The following NBPF11 variants were observed in gnomAD, a reference collection of about 807,000 sequenced individuals.
NBPF11 encodes NBPF member 11.
In NBPF11, 72 loss-of-function variants were observed where a neutral mutation model predicts 93.9. That is an observed-to-expected ratio of 0.77 (90% CI 0.63 to 0.93). NBPF11 has a LOEUF of 0.93. Among genes scored for constraint, NBPF11 ranks in the 40% least tolerant of loss-of-function variants. The pLI, the probability that NBPF11 is intolerant of heterozygous loss-of-function variation, is 0.00. For synonymous variants in NBPF11, 224 were observed against 304.9 expected, an observed-to-expected ratio of 0.73 and a Z score of 2.76; for missense variants, 705 against 802.2, an observed-to-expected ratio of 0.88 and a Z score of 1.46.
chr1:148,116,639 C>T (rs1311282999), intron 12 of NBPF11, 104 bp from the exon 13 acceptor site: 8 of 593,712 alleles, frequency 1.3e-5, no homozygotes, highest in Non-Finnish European at 2.1e-5. Flanking sequence ...CATGGGTCAC[C>T]GTTCAACTGA....
At position 148,103,864 on chromosome 1, in the gene NBPF11, G is replaced by A; in HGVS notation, c.*32C>T. 1.2e-6 allele frequency: 2 copies of A among 1,611,350 alleles called. No individual in the cohort carries two copies. The highest frequency in any genetic ancestry group is 1.7e-6 in the Non-Finnish European group (2 of 1,179,386). On this transcript the variant is annotated 3_prime_UTR_variant, in exon 24 of 24. Coordinates refer to ENST00000682118, the MANE Select transcript of NBPF11 (RefSeq NM_001385469.3). Reference sequence around the variant, plus strand: ...GAGTCGAATAATATCTATCCAGTGAGTCCTGTAAGACTTCAGGCACTTCCA... The same window carrying A: ...GAGTCGAATAATATCTATCCAGTGAATCCTGTAAGACTTCAGGCACTTCCA...
chr1:148,118,062 A>G (rs1309296373), intron 11 of NBPF11, among the ~76,000 whole-genome samples: 1 of 151,586 alleles, frequency 6.6e-6, no homozygotes, highest in Non-Finnish European at 1.5e-5. Flanking sequence ...CCGTTTCAAA[A>G]AGACATCCTT....
chr1:148,149,602 C>T (rs1571503510), intron 1 of NBPF11: 31 of 1,581,526 alleles, frequency 2.0e-5, no homozygotes, highest in East Asian at 2.2e-5. Flanking sequence ...AGCAATAAGG[C>T]GGCCCCCGGA....
chr1:148,139,021 G>T (rs1671780698), intron 2 of NBPF11, among the ~76,000 whole-genome samples: 1 of 151,462 alleles, frequency 6.6e-6, no homozygotes, highest in East Asian at 1.9e-4. Context: ...AACTCAGGAG[G>T]TGGAGGTTGC....
At chr1:148,141,706 G>C (rs1157025562) in intron 2 of NBPF11, among the ~76,000 whole-genome samples, 12 of 151,908 alleles carry the variant, frequency 7.9e-5, no homozygotes, top group African/African-American at 2.4e-4. Context: ...TTCTGGTAAG[G>C]ACAGGTGCAA....
chr1:148,145,201 CTTTTT>C (rs1190949525), intron 1 of NBPF11, among the ~76,000 whole-genome samples: 9 of 75,600 alleles, frequency 1.2e-4, no homozygotes, highest in South Asian at 5.1e-4. Flanking sequence ...TTTTTTCTTT[CTTTTT>C]TTTTTTTTTT....
chr1:148,123,655 G>T (rs1456274288), intron 7 of NBPF11, among the ~76,000 whole-genome samples, 198 bp downstream of exon 7: 1 of 151,852 alleles, frequency 6.6e-6, no homozygotes, highest in Non-Finnish European at 1.5e-5. Context: ...AGGAAGGAGG[G>T]ACACTTGCAA....
At chr1:148,138,438 T>C (rs1381037228) in intron 2 of NBPF11, among the ~76,000 whole-genome samples, 12 of 151,768 alleles carry the variant, frequency 7.9e-5, no homozygotes, top group Non-Finnish European at 1.3e-4. Flanking sequence ...TGAGGCTGTA[T>C]TTCAGACTAT....
chr1:148,112,918 CT>C (rs1273875044), intron 15 of NBPF11, among the ~76,000 whole-genome samples: 3 of 151,418 alleles, frequency 2.0e-5, no homozygotes, highest in African/African-American at 7.3e-5. Flanking sequence ...GAAGCAAATG[CT>C]GAGAGATTTT....
Position 148,120,704 on chromosome 1 carries a change from C to T in NBPF11, c.785G>A (p.Gly262Asp), listed in dbSNP as rs1667622146. 7.3e-6 allele frequency: 11 copies of T among 1,510,418 alleles called. No homozygotes were observed. Among genetic ancestry groups the T allele is most frequent in the South Asian group, 3.4e-5 (3 of 88,956 alleles). The allele number at this position is 1,510,418 out of a possible 1,614,324, so 93.6% of individuals were successfully genotyped here. A position where few individuals can be genotyped will look rare whatever the true frequency, so the allele number is the denominator to read the frequency against. The change falls in exon 10 of 24, where the codon GGC (glycine) becomes GAC (aspartate). Residue 262 changes from glycine to aspartate, a missense_variant. Gly to Asp is a moderately conservative substitution (Grantham distance 94). Transcript: ENST00000682118. Reference sequence around the variant, plus strand: ...GACGTTTGTGGCAGAAGAGGTGGGGCCAGGGACTGGGGAGAAGAAAGGCAA... The same window carrying T: ...GACGTTTGTGGCAGAAGAGGTGGGGTCAGGGACTGGGGAGAAGAAAGGCAA... ...QDALNILPVP[G>D]PTSSATNVSM...
intron 4 of NBPF11, 80 bp downstream of exon 4, chr1:148,135,592 G>A: frequency 2.0e-6 from 1 of 500,838 alleles, no homozygotes; most frequent in Non-Finnish European, 3.6e-6. Flanking sequence ...AGATTAGAGA[G>A]AAAAATAAAG....
Position 148,127,043 on chromosome 1 carries a change from G to A in NBPF11, c.-35-5C>T. On this transcript the variant is annotated splice_polypyrimidine_tract_variant and splice_region_variant and intron_variant, in intron 4 of 23. Transcript: ENST00000682118. ...CAGAAGAGGTGGAGTCAGGGACTGG[G>A]GAGAAGAAACCCAAACATATGATGG... 2 of 584,592 alleles carry A rather than the reference G, an allele frequency of 3.4e-6. No homozygotes were observed. Among genetic ancestry groups the A allele is most frequent in the Non-Finnish European group, 3.0e-6 (1 of 338,740 alleles). 36.2% of individuals were successfully genotyped at this position (584,592 alleles called of 1,614,324 possible).
At chr1:148,116,943 G>A (rs1666704675) in intron 12 of NBPF11, among the ~76,000 whole-genome samples, 1 of 152,190 alleles carries the variant, frequency 6.6e-6, no homozygotes, top group African/African-American at 2.4e-5. Flanking sequence ...CTATGCATCA[G>A]AAGATTTCAA....
At chr1:148,113,195 A>T (rs1161371684) in intron 15 of NBPF11, among the ~76,000 whole-genome samples, 3 of 152,128 alleles carry the variant, frequency 2.0e-5, no homozygotes, top group East Asian at 1.9e-4. Flanking sequence ...AAGAGTCAAG[A>T]CCCATCAGTG....
intron 2 of NBPF11, among the ~76,000 whole-genome samples, chr1:148,140,405 GA>G (rs1166966471): frequency 1.0e-4 from 15 of 150,636 alleles, no homozygotes; most frequent in East Asian, 5.8e-4. Context: ...ATCTACTAAT[GA>G]AAAAAAATTA....
Position 148,132,723 on chromosome 1 carries a change from CTTTTTTTTTTTTTTTTTTTT to C in NBPF11, c.-36+2929_-36+2948del, listed in dbSNP as rs796172565. Among the ~76,000 whole-genome samples, 44 of 33,220 alleles carry C rather than the reference CTTTTTTTTTTTTTTTTTTTT, an allele frequency of 1.3e-3. 1 individual carries two copies. The highest frequency in any genetic ancestry group is 2.4e-3 in the East Asian group (3 of 1,232). 21.8% of individuals were successfully genotyped at this position (33,220 alleles called of 152,430 possible). On this transcript the variant is annotated intron_variant, in intron 4 of 23. Coordinates refer to ENST00000682118, the MANE Select transcript of NBPF11 (RefSeq NM_001385469.3). Reference sequence around the variant, plus strand: ...CCTTACATAAATTTTGTTGACTTTCCTTTTTTTTTTTTTTTTTTTTTTTTTTTTTTTTTTTTTTTTTTTTT... The same window carrying C: ...CCTTACATAAATTTTGTTGACTTTCCTTTTTTTTTTTTTTTTTTTTTTTTT...
chr1:148,148,583 C>T (rs1239791852), intron 1 of NBPF11, among the ~76,000 whole-genome samples: 1 of 151,988 alleles, frequency 6.6e-6, no homozygotes, highest in East Asian at 1.9e-4. Flanking sequence ...GCAGCCACCA[C>T]CCTCGATGCT....
intron 9 of NBPF11, among the ~76,000 whole-genome samples, chr1:148,121,296 G>T (rs1356437667): frequency 6.6e-6 from 1 of 151,264 alleles, no homozygotes; most frequent in Non-Finnish European, 1.5e-5. Flanking sequence ...CGCCCACCTT[G>T]GCCTCTCAAA....
chr1:148,132,132 A>G (rs1290805277), intron 4 of NBPF11, among the ~76,000 whole-genome samples: 15 of 142,046 alleles, frequency 1.1e-4, no homozygotes, highest in East Asian at 8.1e-4. Flanking sequence ...CAATATATAT[A>G]TGTGTGTGTG....
Sources: allele counts gnomAD v4.1 joint callset (sites outside exome capture counted in the v4.1 genomes callset), GRCh38; gene constraint gnomAD v4.1.1; transcripts MANE v1.5; gene names NCBI Gene and HGNC (gene_info 2026-07-23, HGNC 2026-07-21).